The following PRKCE variants were observed in gnomAD, a reference collection of about 807,000 sequenced individuals.
The protein encoded by PRKCE is protein kinase C epsilon type.
Under a neutral mutation model 85.4 loss-of-function variants are expected in PRKCE, and 16 were observed. The observed-to-expected ratio is 0.19, with a 90% confidence interval of 0.13 to 0.28. PRKCE has a LOEUF of 0.28. PRKCE is among the 10% of genes least tolerant of loss of function. The probability of loss-of-function intolerance (pLI) is 1.00; values close to 1 mark genes in which losing one functional copy is unlikely to be tolerated. For missense variants in PRKCE, 573 were observed against 975.2 expected, an observed-to-expected ratio of 0.59 and a Z score of 5.49; for synonymous variants, 388 against 371.5, an observed-to-expected ratio of 1.04 and a Z score of -0.51.
At chr2:46,007,696 G>A (rs1244521373) in intron 9 of PRKCE, 35 bp downstream of exon 9, 4 of 1,583,960 alleles carry the variant, frequency 2.5e-6, no homozygotes, top group Non-Finnish European at 3.4e-6. Flanking sequence ...TGCTGGTTTT[G>A]TTCTACTCCT....
intron 2 of PRKCE, among the ~76,000 whole-genome samples, chr2:45,948,426 G>A (rs1443479749): frequency 6.6e-6 from 1 of 152,146 alleles, no homozygotes; most frequent in African/African-American, 2.4e-5. Flanking sequence ...GATCGCTTGA[G>A]GGCAGGAGTT....
chr2:45,671,065 A>G (rs553732562), intron 1 of PRKCE, among the ~76,000 whole-genome samples: 24 of 152,322 alleles, frequency 1.6e-4, no homozygotes, highest in African/African-American at 4.3e-4. Flanking sequence ...CCATACTTCA[A>G]CTGGCACTGG....
At chr2:45,984,477 T>G in intron 5 of PRKCE, 74 bp from the exon 6 acceptor site, 51 of 1,555,786 alleles carry the variant, frequency 3.3e-5, no homozygotes, top group Non-Finnish European at 4.3e-5. Context: ...AAAAGTTCTT[T>G]GAGAGTTCCG....
intron 1 of PRKCE, among the ~76,000 whole-genome samples, chr2:45,730,303 C>T (rs57123252): frequency 6.6e-6 from 1 of 151,958 alleles, no homozygotes; most frequent in African/African-American, 2.4e-5. Flanking sequence ...CAGGTGTGGG[C>T]CACCATACCC....
At chr2:45,673,650 T>C (rs1416287525) in intron 1 of PRKCE, among the ~76,000 whole-genome samples, 2 of 152,206 alleles carry the variant, frequency 1.3e-5, no homozygotes, top group Non-Finnish European at 2.9e-5. Flanking sequence ...AAAACTTTGT[T>C]TTTTAAACTA....
intron 10 of PRKCE, among the ~76,000 whole-genome samples, chr2:46,017,389 C>A (rs897241495): frequency 6.6e-6 from 1 of 152,158 alleles, no homozygotes; most frequent in African/African-American, 2.4e-5. Context: ...GTCATAATTT[C>A]CTTCCTTTTA....
intron 11 of PRKCE, among the ~76,000 whole-genome samples, chr2:46,128,375 A>G (rs1674078665): frequency 6.6e-6 from 1 of 152,208 alleles, no homozygotes; most frequent in South Asian, 2.1e-4. Context: ...TTAAGCACCC[A>G]CTCTGTGCCA....
At position 45,989,540 on chromosome 2, in the gene PRKCE, A is replaced by G. The variant is rs140367204; in HGVS notation, c.823+4860A>G. ...CTCTTCCCTTCTGAGGACAGTAATA[A>G]AAAATAAAAATGGAGTGATCTTAGC... is the stretch of plus-strand genomic sequence containing the variant. On this transcript the variant is annotated intron_variant, in intron 6 of 14. Transcript: ENST00000306156. Among the ~76,000 whole-genome samples, 116 of 152,244 alleles carry G rather than the reference A, an allele frequency of 7.6e-4. No individual in the cohort carries two copies. The East Asian group carries it at 0.021, about 28-fold the overall frequency.
intron 2 of PRKCE, among the ~76,000 whole-genome samples, chr2:45,911,748 G>A (rs1697396196): frequency 6.6e-6 from 1 of 152,170 alleles, no homozygotes; most frequent in Admixed American, 6.5e-5. Context: ...AGCTGGGCCT[G>A]CATTTAGTTC....
chr2:45,934,931 T>C (rs1432532142), intron 2 of PRKCE, among the ~76,000 whole-genome samples: 1 of 150,460 alleles, frequency 6.6e-6, no homozygotes, highest in African/African-American at 2.4e-5. Flanking sequence ...CATGGTGGCA[T>C]GTGCCTGTAG....
At chr2:45,847,173 T>C (rs935769632) in intron 2 of PRKCE, among the ~76,000 whole-genome samples, 1 of 152,240 alleles carries the variant, frequency 6.6e-6, no homozygotes, top group Admixed American at 6.5e-5. Context: ...CCAAGTAAAG[T>C]AATTCCTGGA....
At chr2:45,993,329 C>T (rs1195580611) in intron 6 of PRKCE, among the ~76,000 whole-genome samples, 1 of 152,232 alleles carries the variant, frequency 6.6e-6, no homozygotes, top group Non-Finnish European at 1.5e-5. Flanking sequence ...TGGAGCTCCC[C>T]TTCCTCACCA....
chr2:45,689,555 G>T (rs907346168), intron 1 of PRKCE, among the ~76,000 whole-genome samples: 1 of 150,624 alleles, frequency 6.6e-6, no homozygotes, highest in Admixed American at 6.6e-5. Flanking sequence ...TTTAAGAAAA[G>T]ATTTAATTTA....
At chr2:46,098,090 C>G (rs1230987682) in intron 11 of PRKCE, among the ~76,000 whole-genome samples, 1 of 152,130 alleles carries the variant, frequency 6.6e-6, no homozygotes, top group African/African-American at 2.4e-5. Context: ...AGTGTTTCAG[C>G]TAGTAATGTG....
intron 1 of PRKCE, chr2:45,685,696 G>T (rs1339188961): frequency 6.6e-6 from 1 of 152,226 alleles, no homozygotes; most frequent in Non-Finnish European, 1.5e-5. Flanking sequence ...TAGGCAACTA[G>T]AAGTCTTTCC....
At chr2:46,029,187 A>G (rs943227545) in intron 10 of PRKCE, among the ~76,000 whole-genome samples, 1 of 152,198 alleles carries the variant, frequency 6.6e-6, no homozygotes, top group African/African-American at 2.4e-5. Context: ...AATCTTTGCA[A>G]TAGTCCTGAG....
intron 1 of PRKCE, among the ~76,000 whole-genome samples, chr2:45,679,964 T>C (rs1227027278): frequency 6.6e-6 from 1 of 152,224 alleles, no homozygotes; most frequent in Non-Finnish European, 1.5e-5. Context: ...TTTTATTTCA[T>C]GATGTTAGAT....
At chr2:45,699,029 T>C (rs1678390853) in intron 1 of PRKCE, among the ~76,000 whole-genome samples, 1 of 152,208 alleles carries the variant, frequency 6.6e-6, no homozygotes, top group African/African-American at 2.4e-5. Flanking sequence ...TTTTTATTTT[T>C]TCTAGCTTCG....
At chr2:45,904,685 G>A (rs529605423) in intron 2 of PRKCE, among the ~76,000 whole-genome samples, 1 of 152,298 alleles carries the variant, frequency 6.6e-6, no homozygotes, top group East Asian at 1.9e-4. Context: ...GGAAGAAAAA[G>A]AATCAAACTA....
Sources: gnomAD v4.1 joint callset for allele counts (sites outside exome capture counted in the v4.1 genomes callset) on GRCh38, gnomAD v4.1.1 for gene constraint, MANE v1.5 for transcripts, NCBI Gene and HGNC (gene_info 2026-07-23, HGNC 2026-07-21) for gene names.